Variants in GRIN2A observed in about 807,000 individuals in gnomAD.
The protein encoded by GRIN2A is glutamate receptor ionotropic, NMDA 2A.
GRIN2A carries 22 observed loss-of-function variants against 113.4 expected under a neutral mutation model. The observed-to-expected ratio is 0.19, with a 90% CI of 0.14 to 0.28. The LOEUF (loss-of-function observed/expected upper bound fraction) is 0.28. Ranked by LOEUF, GRIN2A falls within the 10% of genes least tolerant of loss-of-function variation. GRIN2A has a pLI of 1.00. For missense variants in GRIN2A, 1,502 were observed against 1,887.0 expected (o/e 0.80, Z 3.78); for synonymous variants, 827 against 738.4 (o/e 1.12, Z -1.94).
chr16:10,015,283 AG>A lies in GRIN2A; in HGVS notation c.415-76733del, dbSNP rs1218248447. ...AAAAAAAAAAAAAAGAAAAAAAAAA[AG>A]AAAAAGAAAGGAAAGGAAAAGAAAA... On this transcript the variant is annotated intron_variant, in intron 2 of 12. Coordinates refer to ENST00000330684, the MANE Select transcript of GRIN2A (RefSeq NM_001134407.3). Among the ~76,000 whole-genome samples, 209 of 139,022 alleles carry A rather than the reference AG, an allele frequency of 1.5e-3. 1 individual carries two copies. The highest frequency in any genetic ancestry group is 3.8e-3 in the Middle Eastern group (1 of 266). The allele number at this position is 139,022 out of a possible 152,430, so 91.2% of individuals were successfully genotyped here.
chr16:10,070,641 C>T (rs1393822760), intron 2 of GRIN2A, among the ~76,000 whole-genome samples: 4 of 152,208 alleles, frequency 2.6e-5, no homozygotes, highest in Non-Finnish European at 5.9e-5. Context: ...TCTCTGAGCA[C>T]TCCTCTCATC....
chr16:9,902,413 C>A (rs1324117453), intron 3 of GRIN2A, among the ~76,000 whole-genome samples: 3 of 152,308 alleles, frequency 2.0e-5, no homozygotes, highest in Admixed American at 6.5e-5. Context: ...GGTGGCAGAG[C>A]CACAGGGTAG....
intron 4 of GRIN2A, among the ~76,000 whole-genome samples, chr16:9,887,754 A>G (rs1040012696): frequency 6.6e-6 from 1 of 151,308 alleles, no homozygotes; most frequent in Non-Finnish European, 1.5e-5. Context: ...AAAAACAAAC[A>G]AAAAAAACAC....
intron 2 of GRIN2A, among the ~76,000 whole-genome samples, chr16:10,039,725 T>C (rs2047107833): frequency 7.3e-6 from 1 of 137,528 alleles, no homozygotes; most frequent in South Asian, 2.5e-4. Flanking sequence ...AGAAGCCCCC[T>C]CCCTCCCTCA....
At chr16:9,841,975 G>C (rs969148816) in intron 5 of GRIN2A, among the ~76,000 whole-genome samples, 3 of 152,222 alleles carry the variant, frequency 2.0e-5, no homozygotes, top group African/African-American at 7.2e-5. Context: ...AAGGAGGCCG[G>C]GTATGGTGGC....
chr16:10,105,207 G>A (rs575603616), intron 2 of GRIN2A, among the ~76,000 whole-genome samples: 1 of 152,184 alleles, frequency 6.6e-6, no homozygotes, highest in African/African-American at 2.4e-5. Context: ...AAAAGCCTAA[G>A]GATCCTCACC....
chr16:9,900,125 G>T (rs2043891336), intron 3 of GRIN2A, among the ~76,000 whole-genome samples: 1 of 152,242 alleles, frequency 6.6e-6, no homozygotes, highest in African/African-American at 2.4e-5. Context: ...AGCAGTAGTT[G>T]TCATGGTTTT....
intron 10 of GRIN2A, among the ~76,000 whole-genome samples, chr16:9,806,857 C>A (rs1426289570): frequency 6.6e-6 from 1 of 151,926 alleles, no homozygotes; most frequent in Non-Finnish European, 1.5e-5. Context: ...TGTGCCCACC[C>A]AAATCTCATC....
intron 2 of GRIN2A, among the ~76,000 whole-genome samples, chr16:10,079,782 C>G (rs1353023170): frequency 6.6e-6 from 1 of 152,178 alleles, no homozygotes; most frequent in Non-Finnish European, 1.5e-5. Flanking sequence ...GCTATAGCAG[C>G]CCAAACAGAC....
At chr16:9,892,623 A>G (rs2043716538) in intron 3 of GRIN2A, among the ~76,000 whole-genome samples, 1 of 152,216 alleles carries the variant, frequency 6.6e-6, no homozygotes, top group African/African-American at 2.4e-5. Flanking sequence ...GGTAACATCT[A>G]TCTGCCTTAC....
In GRIN2A at chr16:9,820,421, A is replaced by G. The variant is rs748942562; in HGVS notation, c.2168+1843T>C. On this transcript the variant is annotated intron_variant, in intron 10 of 12. Coordinates refer to ENST00000330684, the MANE Select transcript of GRIN2A (RefSeq NM_001134407.3). ...TGAAAGTGGAAGACACAAATATTCT[A>G]TGGCTCAGCAGTTGCAGTCTTCGGT... Among the ~76,000 whole-genome samples, 10 of 152,252 alleles carry G rather than the reference A, an allele frequency of 6.6e-5. No individual in the cohort carries two copies. The South Asian group carries it at 8.3e-4, about 13-fold the overall frequency.
chr16:9,769,232 G>C, intron 11 of GRIN2A, 143 bp from the exon 12 acceptor site: 1 of 706,318 alleles, frequency 1.4e-6, no homozygotes, highest in South Asian at 1.5e-5. Context: ...GTTTCCATTT[G>C]CTCACTTCTT....
At chr16:10,081,568 C>G (rs551591155) in intron 2 of GRIN2A, among the ~76,000 whole-genome samples, 1 of 152,192 alleles carries the variant, frequency 6.6e-6, no homozygotes, top group Admixed American at 6.5e-5. Context: ...GAACCCAGGG[C>G]AGGCCTTAAG....
intron 2 of GRIN2A, among the ~76,000 whole-genome samples, chr16:10,102,315 AG>A (rs2048415612): frequency 6.6e-6 from 1 of 152,192 alleles, no homozygotes; most frequent in Non-Finnish European, 1.5e-5. Flanking sequence ...GTTGTTTAAA[AG>A]AGTGTGGCAC....
chr16:10,003,142 T>C (rs2046349644), intron 2 of GRIN2A, among the ~76,000 whole-genome samples: 1 of 152,128 alleles, frequency 6.6e-6, no homozygotes, highest in Non-Finnish European at 1.5e-5. Flanking sequence ...CTTAGAGGCC[T>C]CCATCTGTCT....
rs547800577 is a variant in GRIN2A, at chr16:9,845,992, T to C, written c.1328+3764A>G. On this transcript the variant is annotated intron_variant, in intron 5 of 12. Transcript: ENST00000330684. ...TGCCTAACATGCAAACTGTGCTTAA[T>C]GCACATTCATTCATTCTGTATTAAA... Among the ~76,000 whole-genome samples, 38 of 152,376 alleles carry C rather than the reference T, an allele frequency of 2.5e-4. 2 individuals carry two copies. The highest frequency in any genetic ancestry group is 3.4e-3 in the Middle Eastern group (1 of 294).
chr16:9,945,331 G>C (rs967400115), intron 2 of GRIN2A, among the ~76,000 whole-genome samples: 1 of 152,086 alleles, frequency 6.6e-6, no homozygotes, highest in Admixed American at 6.5e-5. Flanking sequence ...TTAGGGGCGA[G>C]ATGAGAGTAG....
intron 2 of GRIN2A, among the ~76,000 whole-genome samples, chr16:10,046,580 A>G (rs1039983453): frequency 2.0e-5 from 3 of 152,086 alleles, no homozygotes; most frequent in African/African-American, 4.8e-5. Context: ...ATGCATCCCA[A>G]TGCCGTATAG....
intron 10 of GRIN2A, among the ~76,000 whole-genome samples, chr16:9,816,938 A>G (rs1187219227): frequency 6.6e-6 from 1 of 152,222 alleles, no homozygotes; most frequent in East Asian, 1.9e-4. Flanking sequence ...TTTGGTTCAC[A>G]GGAGTCCCAC....
Sources: gnomAD v4.1 joint callset for allele counts (sites outside exome capture counted in the v4.1 genomes callset) on GRCh38, gnomAD v4.1.1 for gene constraint, MANE v1.5 for transcripts, NCBI Gene and HGNC (gene_info 2026-07-23, HGNC 2026-07-21) for gene names.